The following LRRK1 variants were observed in gnomAD, a reference collection of about 807,000 sequenced individuals.
The protein encoded by LRRK1 is leucine-rich repeat serine/threonine-protein kinase 1.
In LRRK1, 113 loss-of-function variants were observed where a neutral mutation model predicts 209.1. The ratio of observed to expected loss-of-function variants is 0.54; its 90% CI spans 0.46 to 0.63. The LOEUF is 0.63. Among genes scored for constraint, LRRK1 ranks in the 30% least tolerant of loss-of-function variants. The pLI is 0.00. For missense variants in LRRK1, 2,284 were observed against 2,632.2 expected (o/e 0.87, Z 2.89); for synonymous variants, 1,144 against 1,099.7 (o/e 1.04, Z -0.80).
chr15:101,010,330 CTT>C (rs2033171629), intron 7 of LRRK1, 118 bp from the exon 8 acceptor site: 2 of 1,065,020 alleles, frequency 1.9e-6, no homozygotes, highest in Non-Finnish European at 2.7e-6. Flanking sequence ...AATGCACACT[CTT>C]TAACCTTGCA....
chr15:101,044,490 G>A lies in LRRK1; in HGVS notation c.2964-1491G>A, dbSNP rs1005973471. ...TCCCTGGGACGGCCTTTCCCAGCTC[G>A]TAATTGCTCTGAAACCCGGAGCCAG... On this transcript the variant is annotated intron_variant, in intron 20 of 33. Transcript: ENST00000388948. 6.6e-5 allele frequency among the ~76,000 whole-genome samples: 10 copies of A among 152,218 alleles called. No homozygotes were observed. The South Asian group carries it at 1.4e-3, about 22-fold the overall frequency.
intron 30 of LRRK1, among the ~76,000 whole-genome samples, chr15:101,061,903 G>A (rs1291528788): frequency 2.6e-5 from 4 of 152,238 alleles, no homozygotes; most frequent in African/African-American, 9.6e-5. Context: ...AGCTACTCAG[G>A]AGGCTGAGGC....
chr15:100,968,696 TTCC>T lies in LRRK1; in HGVS notation c.98-5106_98-5104del. On this transcript the variant is annotated intron_variant, in intron 2 of 33. Coordinates refer to ENST00000388948, the MANE Select transcript of LRRK1 (RefSeq NM_024652.6). ...TTTCTTTCTTTCTTTCTTTCTTTCC[TTCC>T]TTCCTTCCTTCCTTCCTTCCTCCCT... Among the ~76,000 whole-genome samples the T allele has an allele frequency of 3.1e-4, 25 of 79,534 alleles. 2 individuals are homozygous for T. The highest frequency in any genetic ancestry group is 1.5e-3 in the Admixed American group (10 of 6,490). 52.2% of individuals were successfully genotyped at this position (79,534 alleles called of 152,430 possible). A position where few individuals can be genotyped will look rare whatever the true frequency, so the allele number is the denominator to read the frequency against.
intron 26 of LRRK1, among the ~76,000 whole-genome samples, chr15:101,054,220 C>G (rs933630113): frequency 1.3e-5 from 2 of 152,202 alleles, no homozygotes; most frequent in Non-Finnish European, 2.9e-5. Context: ...TCGATCCCCC[C>G]ACTTTAGCCT....
chr15:101,009,054 T>A lies in LRRK1; in HGVS notation c.980T>A (p.Ile327Asn). 6.2e-7 allele frequency: 1 copy of A among 1,613,882 alleles called. No homozygotes were observed. The highest frequency in any genetic ancestry group is 8.5e-7 in the Non-Finnish European group (1 of 1,179,768). The part of the protein sequence containing the change: ...LPGVQSSDEI[I>N]CSRLLEIDIS... Reference sequence around the variant, plus strand: ...GGCGTGCAGTCATCGGACGAAATCATCTGTTCCAGGTGGCTCCCCGGGGTG... The same window carrying A: ...GGCGTGCAGTCATCGGACGAAATCAACTGTTCCAGGTGGCTCCCCGGGGTG... Residue 327 changes from isoleucine to asparagine, a missense_variant, in exon 7 of 34, where the codon ATC becomes AAC. Ile to Asn is a moderately radical substitution (Grantham distance 149). Around this residue, in one of 6 missense-constraint regions of LRRK1, gnomAD observed 494 missense variants for 522.1 expected, o/e 0.95. Transcript: ENST00000388948.
At chr15:100,929,257 AC>A (rs1318093177) in intron 2 of LRRK1, among the ~76,000 whole-genome samples, 1 of 146,398 alleles carries the variant, frequency 6.8e-6, no homozygotes, top group African/African-American at 2.4e-5. Flanking sequence ...AGCAGACATC[AC>A]CCAGGCAGTG....
intron 2 of LRRK1, among the ~76,000 whole-genome samples, chr15:100,947,495 T>C (rs2042565820): frequency 6.6e-6 from 1 of 152,234 alleles, no homozygotes; most frequent in Non-Finnish European, 1.5e-5. Flanking sequence ...ATATTTTTTA[T>C]TCTCAATATT....
At chr15:101,054,842 G>T in intron 26 of LRRK1, 104 bp from the exon 27 acceptor site, 2 of 1,036,236 alleles carry the variant, frequency 1.9e-6, no homozygotes, top group South Asian at 1.6e-5. Context: ...AAATCATAAA[G>T]TATCTAGGGA....
chr15:100,928,633 A>G (rs1033259427), intron 2 of LRRK1, among the ~76,000 whole-genome samples: 4 of 152,280 alleles, frequency 2.6e-5, no homozygotes, highest in African/African-American at 9.6e-5. Context: ...GTGCGTTAGA[A>G]AAAGACCCAC....
intron 2 of LRRK1, among the ~76,000 whole-genome samples, chr15:100,950,292 C>T (rs985935192): frequency 4.6e-5 from 7 of 151,980 alleles, no homozygotes; most frequent in Non-Finnish European, 7.4e-5. Flanking sequence ...ACAAAAGAAG[C>T]GTAAGATTTA....
At chr15:100,935,019 A>G in intron 2 of LRRK1, among the ~76,000 whole-genome samples, 1 of 152,140 alleles carries the variant, frequency 6.6e-6, no homozygotes. Context: ...CATACTGAAA[A>G]TAACAGAGAA....
chr15:101,014,463 A>C, intron 11 of LRRK1, 35 bp downstream of exon 11: 1 of 1,427,350 alleles, frequency 7.0e-7, no homozygotes, highest in Non-Finnish European at 9.9e-7. Flanking sequence ...GCCAGTTCCA[A>C]AGCGTGTGTG....
intron 16 of LRRK1, among the ~76,000 whole-genome samples, chr15:101,025,196 C>G (rs2033969398): frequency 6.6e-6 from 1 of 152,220 alleles, no homozygotes; most frequent in African/African-American, 2.4e-5. Context: ...AACCCCCACC[C>G]TTGGATCCAA....
At chr15:101,033,448 T>C (rs188245828) in intron 20 of LRRK1, among the ~76,000 whole-genome samples, 13 of 152,330 alleles carry the variant, frequency 8.5e-5, no homozygotes, top group African/African-American at 2.9e-4. Flanking sequence ...TAGCTTCTAG[T>C]ATCTGTCATG....
chr15:101,023,818 A>G (rs1010648819), intron 15 of LRRK1, among the ~76,000 whole-genome samples: 35 of 152,238 alleles, frequency 2.3e-4, no homozygotes, highest in Non-Finnish European at 1.8e-4. Context: ...TTGGGGCCAG[A>G]ACAATCAAAC....
chr15:101,065,967 T>C lies in LRRK1; in HGVS notation c.5530T>C (p.Tyr1844His). 1.9e-6 allele frequency: 3 copies of C among 1,614,148 alleles called. No homozygotes were observed. Among genetic ancestry groups the C allele is most frequent in the Non-Finnish European group, 2.5e-6 (3 of 1,180,014 alleles). The change falls in exon 32 of 34, where the codon TAC becomes CAC. Residue 1844 changes from tyrosine (Y) to histidine (H), a missense_variant. Tyr to His is a moderately conservative substitution (Grantham distance 83). Around this residue, in one of 6 missense-constraint regions of LRRK1, gnomAD observed 643 missense variants for 695.9 expected, o/e 0.92. Coordinates refer to ENST00000388948, the MANE Select transcript of LRRK1 (RefSeq NM_024652.6). ...CACTGACTACTGCTCCATGTCCTCC[T>C]ACTCCTCATCCCCACCCCGCCAGGC... ...SLTDYCSMSSYSSSPPRQAAR... is the reference protein window; with the variant it reads ...SLTDYCSMSSHSSSPPRQAAR...
chr15:100,955,162 G>A (rs1482286677), intron 2 of LRRK1, among the ~76,000 whole-genome samples: 1 of 152,024 alleles, frequency 6.6e-6, no homozygotes, highest in East Asian at 1.9e-4. Context: ...CCATTTATTT[G>A]TGTCTTTTTC....
rs190489729 is a variant in LRRK1 at position 101,049,638 on chromosome 15, T to A, written c.3300-6T>A. 1,457 of 1,613,222 alleles carry A rather than the reference T, an allele frequency of 9.0e-4. No individual in the cohort carries two copies. Among genetic ancestry groups the A allele is most frequent in the Non-Finnish European group, 1.1e-3 (1,351 of 1,179,566 alleles). On this transcript the variant is annotated splice_polypyrimidine_tract_variant and splice_region_variant and intron_variant, in intron 22 of 33. Coordinates refer to ENST00000388948, the MANE Select transcript of LRRK1 (RefSeq NM_024652.6). ...CAATGGGCTCCTTTTGGTCTCTGGA[T>A]TGCAGTGTGGAATCTTCCGACGTGA... is the stretch of plus-strand genomic sequence containing the variant.
At chr15:101,046,216 G>T in intron 21 of LRRK1, 64 bp downstream of exon 21, 1 of 1,538,012 alleles carries the variant, frequency 6.5e-7, no homozygotes, top group East Asian at 2.3e-5. Context: ...GTACCACTGG[G>T]GGAGGGGAAT....
Sources: gnomAD v4.1 joint callset for allele counts (sites outside exome capture counted in the v4.1 genomes callset) on GRCh38, gnomAD v4.1.1 for gene constraint, gnomAD v4.1.1 regional missense constraint, MANE v1.5 for transcripts, NCBI Gene and HGNC (gene_info 2026-07-23, HGNC 2026-07-21) for gene names.